CNTN1: variants seen among roughly 807,000 people sequenced by gnomAD.
CNTN1 encodes contactin-1.
In CNTN1, 38 loss-of-function variants were observed where a neutral mutation model predicts 126.4. The ratio of observed to expected loss-of-function variants is 0.30; its 90% CI spans 0.23 to 0.39. CNTN1 has a LOEUF of 0.39. Ranked by LOEUF, CNTN1 falls within the 10% of genes least tolerant of loss-of-function variation. CNTN1 has a pLI of 1.00. For synonymous variants in CNTN1, 413 were observed against 422.6 expected (o/e 0.98, Z 0.28); for missense variants, 1,009 against 1,248.4 (o/e 0.81, Z 2.89).
At chr12:41,049,136 A>G (rs1225506371) in intron 23 of CNTN1, among the ~76,000 whole-genome samples, 3 of 152,110 alleles carry the variant, frequency 2.0e-5, no homozygotes, top group African/African-American at 7.2e-5. Context: ...TGCCATTCTC[A>G]GTCTCCTTTT....
At chr12:40,929,532 A>G (rs1321691258) in intron 6 of CNTN1, among the ~76,000 whole-genome samples, 2 of 152,060 alleles carry the variant, frequency 1.3e-5, no homozygotes, top group Admixed American at 6.6e-5. Context: ...CACTTAGCCC[A>G]TCAATGAAAT....
chr12:41,001,507 C>T (rs1262462805), intron 17 of CNTN1, among the ~76,000 whole-genome samples: 1 of 152,006 alleles, frequency 6.6e-6, no homozygotes, highest in Non-Finnish European at 1.5e-5. Flanking sequence ...AGACTTTTGT[C>T]AGATGATTAG....
intron 1 of CNTN1, among the ~76,000 whole-genome samples, chr12:40,766,068 G>T (rs1939071839): frequency 6.6e-6 from 1 of 152,042 alleles, no homozygotes; most frequent in South Asian, 2.1e-4. Context: ...AGAGGAAATT[G>T]CATTCCAGGC....
intron 17 of CNTN1, among the ~76,000 whole-genome samples, chr12:41,007,173 C>T (rs1948518203): frequency 6.7e-6 from 1 of 148,592 alleles, no homozygotes; most frequent in South Asian, 2.1e-4. Context: ...CATTCTCCTG[C>T]CTCAGCCTCC....
intron 1 of CNTN1, among the ~76,000 whole-genome samples, chr12:40,707,044 GCGCACA>G (rs1239137346): frequency 4.0e-5 from 2 of 50,526 alleles, no homozygotes; most frequent in South Asian, 8.9e-4. Flanking sequence ...GCGCGCGCTT[GCGCACA>G]CACACACACA....
At position 40,801,755 on chromosome 12, in the gene CNTN1, G is replaced by A. The variant is rs560312348; in HGVS notation, c.-76-106602G>A. 3.3e-5 allele frequency among the ~76,000 whole-genome samples: 5 copies of A among 151,850 alleles called. No individual in the cohort carries two copies. The East Asian group carries it at 5.8e-4, about 18-fold the overall frequency. On this transcript the variant is annotated intron_variant, in intron 1 of 23. Coordinates refer to ENST00000551295, the MANE Select transcript of CNTN1 (RefSeq NM_001843.4). ...ATATTGAAGATTTAAAATATTAATC[G>A]TAGTGGGAAAACACATTTTGAGTCC... is the stretch of plus-strand genomic sequence containing the variant.
chr12:40,813,775 C>T (rs1009533348), intron 1 of CNTN1, among the ~76,000 whole-genome samples: 1 of 152,168 alleles, frequency 6.6e-6, no homozygotes, highest in African/African-American at 2.4e-5. Context: ...ACCATACTGT[C>T]TTCCACAATG....
intron 14 of CNTN1, among the ~76,000 whole-genome samples, chr12:40,954,927 G>C (rs749490671): frequency 3.3e-5 from 5 of 152,050 alleles, no homozygotes; most frequent in Admixed American, 6.6e-5. Flanking sequence ...TTTTTGGGGG[G>C]ACTTCATCAA....
At chr12:40,979,799 T>C (rs1947772812) in intron 15 of CNTN1, among the ~76,000 whole-genome samples, 1 of 152,082 alleles carries the variant, frequency 6.6e-6, no homozygotes, top group Non-Finnish European at 1.5e-5. Context: ...ATCTTTTAAT[T>C]TCTATTTCCC....
At chr12:41,044,949 C>G (rs1000799721) in intron 23 of CNTN1, among the ~76,000 whole-genome samples, 2 of 151,800 alleles carry the variant, frequency 1.3e-5, no homozygotes, top group Admixed American at 6.6e-5. Context: ...AAGTTTCAAC[C>G]AATTTATGAT....
chr12:41,033,951 G>A (rs1949201814), intron 23 of CNTN1, among the ~76,000 whole-genome samples: 1 of 151,940 alleles, frequency 6.6e-6, no homozygotes, highest in Non-Finnish European at 1.5e-5. Context: ...TCGGGAGGCT[G>A]AGGCAGGAGA....
chr12:40,756,634 G>A (rs566595905), intron 1 of CNTN1, among the ~76,000 whole-genome samples: 1 of 152,188 alleles, frequency 6.6e-6, no homozygotes, highest in East Asian at 1.9e-4. Context: ...ATTTGCACTA[G>A]GTGTTCCCCG....
chr12:40,965,890 TA>T (rs1947288026), intron 15 of CNTN1, among the ~76,000 whole-genome samples: 1 of 152,104 alleles, frequency 6.6e-6, no homozygotes, highest in African/African-American at 2.4e-5. Context: ...AAAGGACTTT[TA>T]AATTAAGCAA....
intron 17 of CNTN1, among the ~76,000 whole-genome samples, chr12:41,006,877 GAACA>G (rs1566129107): frequency 6.6e-6 from 1 of 152,036 alleles, no homozygotes; most frequent in Non-Finnish European, 1.5e-5. Flanking sequence ...CAGATTGCAG[GAACA>G]AACAATGAAT....
intron 1 of CNTN1, among the ~76,000 whole-genome samples, chr12:40,700,407 T>A (rs1425034786): frequency 6.6e-6 from 1 of 151,858 alleles, no homozygotes; most frequent in Non-Finnish European, 1.5e-5. Flanking sequence ...ATGCCTATAA[T>A]CCCAGCTACT....
At chr12:40,859,390 T>G (rs1183498731) in intron 1 of CNTN1, among the ~76,000 whole-genome samples, 1 of 152,036 alleles carries the variant, frequency 6.6e-6, no homozygotes, top group East Asian at 1.9e-4. Flanking sequence ...ATATAAAAGA[T>G]AAGATAATAG....
At chr12:40,738,901 A>T (rs1225937351) in intron 1 of CNTN1, among the ~76,000 whole-genome samples, 2 of 152,090 alleles carry the variant, frequency 1.3e-5, no homozygotes, top group East Asian at 3.9e-4. Context: ...GGCAATATTT[A>T]GTACCATAGA....
intron 1 of CNTN1, among the ~76,000 whole-genome samples, chr12:40,761,585 G>C (rs894765640): frequency 6.6e-6 from 1 of 152,004 alleles, no homozygotes; most frequent in Non-Finnish European, 1.5e-5. Context: ...TAAAAGGTAA[G>C]GTTTTTTTAA....
At chr12:40,823,701 C>G (rs1176233173) in intron 1 of CNTN1, among the ~76,000 whole-genome samples, 1 of 151,988 alleles carries the variant, frequency 6.6e-6, no homozygotes, top group Non-Finnish European at 1.5e-5. Flanking sequence ...ACTTTCAAAC[C>G]CTGAGTTATT....
Sources: gnomAD v4.1 joint callset for allele counts (sites outside exome capture counted in the v4.1 genomes callset) on GRCh38, gnomAD v4.1.1 for gene constraint, MANE v1.5 for transcripts, NCBI Gene and HGNC (gene_info 2026-07-23, HGNC 2026-07-21) for gene names.